The following TENM2 variants were observed in gnomAD, a reference collection of about 807,000 sequenced individuals.
TENM2 encodes the protein teneurin transmembrane protein 2.
In TENM2, 52 loss-of-function variants were observed where a neutral mutation model predicts 245.2. That is an observed-to-expected ratio of 0.21 (90% confidence interval 0.17 to 0.27). TENM2 has a LOEUF of 0.27. Ranked by LOEUF, TENM2 falls within the 10% of genes least tolerant of loss-of-function variation. TENM2 has a pLI of 1.00. For missense variants in TENM2, 3,046 were observed against 3,666.8 expected (o/e 0.83, Z 4.37); for synonymous variants, 1,363 against 1,438.9 (o/e 0.95, Z 1.19).
intron 1 of TENM2, among the ~76,000 whole-genome samples, chr5:167,314,130 T>C (rs1424214232): frequency 6.6e-6 from 1 of 152,262 alleles, no homozygotes; most frequent in Non-Finnish European, 1.5e-5. Flanking sequence ...TGGAAAGGAC[T>C]GATATGAATA....
At chr5:167,586,789 TAATC>T (rs1775527585) in intron 2 of TENM2, among the ~76,000 whole-genome samples, 2 of 152,224 alleles carry the variant, frequency 1.3e-5, no homozygotes, top group African/African-American at 4.8e-5. Flanking sequence ...GAATGAGTAA[TAATC>T]AATACCAGAG....
At chr5:168,107,392 GCTCCCAGTCAC>G (rs1794333069) in intron 9 of TENM2, among the ~76,000 whole-genome samples, 1 of 152,062 alleles carries the variant, frequency 6.6e-6, no homozygotes, top group Admixed American at 6.6e-5. Flanking sequence ...ACCTTCAGTG[GCTCCCAGTCAC>G]CTCCCACAAT....
At chr5:167,015,715 C>T in the TENM2 span, among the ~76,000 whole-genome samples, 2 of 152,144 alleles carry the variant, frequency 1.3e-5, no homozygotes, top group African/African-American at 4.8e-5. Flanking sequence ...CATTAACCAT[C>T]ACACACTGAT....
rs376286654 is a variant in TENM2, at chr5:167,775,458, C to T, written c.503-100528C>T. Among the ~76,000 whole-genome samples the T allele has an allele frequency of 2.6e-4, 40 of 152,336 alleles. 1 individual carries two copies. In the East Asian group the frequency reaches 7.5e-3, roughly 29 times the overall value. ...TGCAGAACTAGGTTTAACTGGGGCC[C>T]TCAGCTTCCTGACAAAAGCAGGACT... On this transcript the variant is annotated intron_variant, in intron 2 of 28. Transcript: ENST00000518659.
chr5:167,304,903 GAA>G (rs1755577944), intron 1 of TENM2, among the ~76,000 whole-genome samples: 1 of 152,118 alleles, frequency 6.6e-6, no homozygotes, highest in Non-Finnish European at 1.5e-5. Context: ...TAAATTCCTT[GAA>G]AGACAGTGCC....
chr5:167,515,624 T>C (rs1484020737), intron 2 of TENM2, among the ~76,000 whole-genome samples: 2 of 145,044 alleles, frequency 1.4e-5, no homozygotes, highest in African/African-American at 5.1e-5. Context: ...TATATACATA[T>C]ATATACATAT....
At chr5:167,868,506 AG>A (rs1211047941) in intron 2 of TENM2, among the ~76,000 whole-genome samples, 2 of 152,076 alleles carry the variant, frequency 1.3e-5, no homozygotes, top group African/African-American at 4.8e-5. Flanking sequence ...TGAGAGGCTG[AG>A]GTGGGCGGAT....
chr5:168,003,290 A>G (rs1005267306), intron 5 of TENM2, among the ~76,000 whole-genome samples: 3 of 141,212 alleles, frequency 2.1e-5, no homozygotes, highest in Admixed American at 7.7e-5. Context: ...TTAAAATTAC[A>G]AAGTTTTTAA....
chr5:168,221,821 A>G (rs1763695294), intron 23 of TENM2, among the ~76,000 whole-genome samples: 1 of 152,164 alleles, frequency 6.6e-6, no homozygotes. Context: ...GAAAGCTCCT[A>G]GGTCTTAGGA....
the TENM2 span, among the ~76,000 whole-genome samples, chr5:167,009,418 C>T: frequency 1.3e-5 from 2 of 152,082 alleles, no homozygotes; most frequent in Non-Finnish European, 2.9e-5. Context: ...ATTTACTGCT[C>T]AAAATAAATA....
At chr5:167,277,002 T>C in the TENM2 span, among the ~76,000 whole-genome samples, 1 of 152,132 alleles carries the variant, frequency 6.6e-6, no homozygotes, top group Non-Finnish European at 1.5e-5. Context: ...GTGTCCTCCA[T>C]TTTTTCTTTG....
intron 4 of TENM2, among the ~76,000 whole-genome samples, chr5:167,971,685 A>G (rs1781801665): frequency 6.7e-6 from 1 of 149,584 alleles, no homozygotes; most frequent in Non-Finnish European, 1.5e-5. Context: ...TGGGTGACAG[A>G]GTGAGACTCC....
intron 2 of TENM2, among the ~76,000 whole-genome samples, chr5:167,781,624 G>A (rs1300254788): frequency 2.0e-5 from 3 of 152,188 alleles, no homozygotes. Context: ...GTGATCAGGT[G>A]AGTATGTGGC....
chr5:167,519,548 G>A (rs1260272236), intron 2 of TENM2, among the ~76,000 whole-genome samples: 1 of 152,054 alleles, frequency 6.6e-6, no homozygotes, highest in Admixed American at 6.6e-5. Flanking sequence ...ATTATGTATT[G>A]GAGCCAATAA....
At chr5:167,629,424 ATTTAT>A (rs1778722049) in intron 2 of TENM2, among the ~76,000 whole-genome samples, 1 of 152,180 alleles carries the variant, frequency 6.6e-6, no homozygotes, top group East Asian at 1.9e-4. Context: ...ATTAATACTT[ATTTAT>A]TATGTCTATA....
chr5:167,947,248 T>C (rs990983381), intron 3 of TENM2, among the ~76,000 whole-genome samples: 14 of 152,342 alleles, frequency 9.2e-5, no homozygotes, highest in African/African-American at 3.4e-4. Context: ...ATAGCTGCCA[T>C]TGCTATTATC....
intron 4 of TENM2, among the ~76,000 whole-genome samples, chr5:167,980,152 T>C (rs1782726993): frequency 6.6e-6 from 1 of 152,092 alleles, no homozygotes; most frequent in Non-Finnish European, 1.5e-5. Context: ...GTGCATGCCA[T>C]TGGGAAAGGC....
chr5:168,031,712 G>T (rs1787160471), intron 5 of TENM2, among the ~76,000 whole-genome samples: 1 of 147,568 alleles, frequency 6.8e-6, no homozygotes, highest in Non-Finnish European at 1.5e-5. Context: ...GGGAGGGGAG[G>T]GAGGAAGGGA....
intron 2 of TENM2, among the ~76,000 whole-genome samples, chr5:167,465,114 CA>C: frequency 6.6e-6 from 1 of 152,308 alleles, no homozygotes; most frequent in South Asian, 2.1e-4. Flanking sequence ...CAAGTGATGT[CA>C]AGTACAATTT....
Sources: allele counts gnomAD v4.1 joint callset (sites outside exome capture counted in the v4.1 genomes callset), GRCh38; gene constraint gnomAD v4.1.1; transcripts MANE v1.5; gene names NCBI Gene and HGNC (gene_info 2026-07-23, HGNC 2026-07-21).